Variants in RNASE13 observed in about 807,000 individuals in gnomAD.
The protein encoded by RNASE13 is ribonuclease A family member 13 (inactive), also known as probable inactive ribonuclease-like protein 13.
For synonymous variants in RNASE13, 67 were observed against 71.6 expected (o/e 0.94, Z 0.32); for missense variants, 188 against 192.8 (o/e 0.98, Z 0.15).
rs1019424735 is a variant in RNASE13, at chr14:21,032,846, T to A, written c.*972A>T. ...GTGTTATTAACTTTTTATTTTGAATTGATTATGGGTTGACAGGAAGTTACA... is the reference window on the plus strand; with the variant it reads ...GTGTTATTAACTTTTTATTTTGAATAGATTATGGGTTGACAGGAAGTTACA... On this transcript the variant is annotated 3_prime_UTR_variant, in exon 2 of 2. Transcript: ENST00000382951. 1.9e-5 allele frequency: 8 copies of A among 423,036 alleles called. No homozygotes were observed. Among genetic ancestry groups the A allele is most frequent in the Admixed American group, 5.7e-5 (2 of 34,910 alleles). The allele number at this position is 423,036 out of a possible 1,614,324, so 26.2% of individuals were successfully genotyped here. A position where few individuals can be genotyped will look rare whatever the true frequency, so the allele number is the denominator to read the frequency against.
In RNASE13 at chr14:21,032,978, G is replaced by A. The variant is rs764642091; in HGVS notation, c.*840C>T. ...AGAAATTTATGTTCGATTAGAGCCG[G>A]GCCTGCCTCATTCGCTGCCTGGTCA... On this transcript the variant is annotated 3_prime_UTR_variant, in exon 2 of 2. Coordinates refer to ENST00000382951, the MANE Select transcript of RNASE13 (RefSeq NM_001012264.4). The A allele has an allele frequency of 2.9e-4, 133 of 456,004 alleles. No individual in the cohort carries two copies. Among genetic ancestry groups the A allele is most frequent in the Non-Finnish European group, 4.4e-4 (100 of 226,956 alleles). The allele number at this position is 456,004 out of a possible 1,614,324, so 28.2% of individuals were successfully genotyped here.
At position 21,034,638 on chromosome 14, in the gene RNASE13, A is replaced by C; in HGVS notation, c.-9+18T>G. ...CTGCTAGTAAAAAATGCAGAGAAGAAAGAAGGAGCAGGCTGACCTGACAAT... is the reference window on the plus strand; with the variant it reads ...CTGCTAGTAAAAAATGCAGAGAAGACAGAAGGAGCAGGCTGACCTGACAAT... On this transcript the variant is annotated intron_variant, in intron 1 of 1. Coordinates refer to ENST00000382951, the MANE Select transcript of RNASE13 (RefSeq NM_001012264.4). 1 of 236,626 alleles carries C rather than the reference A, an allele frequency of 4.2e-6. No individual in the cohort carries two copies. The highest frequency in any genetic ancestry group is 8.2e-6 in the Non-Finnish European group (1 of 121,580). 14.7% of individuals were successfully genotyped at this position (236,626 alleles called of 1,614,324 possible). A position where few individuals can be genotyped will look rare whatever the true frequency, so the allele number is the denominator to read the frequency against.
Position 21,034,223 on chromosome 14 carries a change from G to A in RNASE13, c.66C>T (p.Asp22=). The change falls in exon 2 of 2, where the codon GAC becomes GAT. Residue 22 remains aspartate, a synonymous_variant. Transcript: ENST00000382951. ...TCCTGCTGCCAATCTGCATCTTGAT[G>A]TCCATGACCAGAGTTGGCCCCAGAA... The part of the protein sequence containing the change: ...QLVLGPTLVM[D]IKMQIGSRNF... 1.9e-6 allele frequency: 3 copies of A among 1,614,132 alleles called. No individual in the cohort carries two copies. Among genetic ancestry groups the A allele is most frequent in the Non-Finnish European group, 1.7e-6 (2 of 1,179,996 alleles).
intron 1 of RNASE13, 91 bp from the exon 2 acceptor site, chr14:21,034,387 A>G (rs1884476102): frequency 2.4e-6 from 2 of 833,378 alleles, no homozygotes; most frequent in South Asian, 3.4e-5. Context: ...ACCCAACAGT[A>G]CTTTAGAGAT....
rs775077439 is a variant in RNASE13 at position 21,033,694 on chromosome 14, G to T, written c.*124C>A. On this transcript the variant is annotated 3_prime_UTR_variant, in exon 2 of 2. Coordinates refer to ENST00000382951, the MANE Select transcript of RNASE13 (RefSeq NM_001012264.4). ...GCCCTGGACATTTTCGCACCCACCT[G>T]GTCTCTTGGGAGGGGACCCTGCCTG... 4 of 734,764 alleles carry T rather than the reference G, an allele frequency of 5.4e-6. No individual in the cohort carries two copies. The allele number at this position is 734,764 out of a possible 1,614,324, so 45.5% of individuals were successfully genotyped here.
In RNASE13 at chr14:21,032,941, A is replaced by T; in HGVS notation, c.*877T>A. ...CCCAATGGTTACATCTTACATACTC[A>T]GATGTGGTTTTAGAAATTTATGTTC... is the stretch of plus-strand genomic sequence containing the variant. On this transcript the variant is annotated 3_prime_UTR_variant, in exon 2 of 2. Transcript: ENST00000382951. The T allele has an allele frequency of 2.2e-6, 1 of 456,030 alleles. No individual in the cohort carries two copies. The highest frequency in any genetic ancestry group is 1.5e-5 in the South Asian group (1 of 64,546). 28.2% of individuals were successfully genotyped at this position (456,030 alleles called of 1,614,324 possible).
chr14:21,033,553 T>C lies in RNASE13; in HGVS notation c.*265A>G, dbSNP rs1884393065. 2 of 508,460 alleles carry C rather than the reference T, an allele frequency of 3.9e-6. No individual in the cohort carries two copies. The highest frequency in any genetic ancestry group is 7.1e-6 in the Non-Finnish European group (2 of 279,822). 31.5% of individuals were successfully genotyped at this position (508,460 alleles called of 1,614,324 possible). A position where few individuals can be genotyped will look rare whatever the true frequency, so the allele number is the denominator to read the frequency against. On this transcript the variant is annotated 3_prime_UTR_variant, in exon 2 of 2. Transcript: ENST00000382951. Reference sequence around the variant, plus strand: ...CTGCCAACTGGACACAGTCAACTTCTTGGGTGGGTTTTACTGTCTCTGGGA... The same window carrying C: ...CTGCCAACTGGACACAGTCAACTTCCTGGGTGGGTTTTACTGTCTCTGGGA...
In RNASE13 at chr14:21,033,747, T is replaced by A; in HGVS notation, c.*71A>T. 9.4e-7 allele frequency: 1 copy of A among 1,062,196 alleles called. No individual in the cohort carries two copies. Among genetic ancestry groups the A allele is most frequent in the Non-Finnish European group, 1.5e-6 (1 of 677,264 alleles). The allele number at this position is 1,062,196 out of a possible 1,614,324, so 65.8% of individuals were successfully genotyped here. A position where few individuals can be genotyped will look rare whatever the true frequency, so the allele number is the denominator to read the frequency against. On this transcript the variant is annotated 3_prime_UTR_variant, in exon 2 of 2. Coordinates refer to ENST00000382951, the MANE Select transcript of RNASE13 (RefSeq NM_001012264.4). The stretch of plus-strand genomic sequence containing the variant: ...TCGTAAGTCAGGAAGGAAGTCTTGT[T>A]ACAGGGATCAGAGTGTTGGAAATGG...
chr14:21,033,762 G>C lies in RNASE13; in HGVS notation c.*56C>G. The C allele has an allele frequency of 8.6e-7, 1 of 1,156,984 alleles. No homozygotes were observed. Among genetic ancestry groups the C allele is most frequent in the Non-Finnish European group, 1.3e-6 (1 of 763,150 alleles). 71.7% of individuals were successfully genotyped at this position (1,156,984 alleles called of 1,614,324 possible). ...GAAGTCTTGTTACAGGGATCAGAGT[G>C]TTGGAAATGGAGACAGCTGGCCTGT... On this transcript the variant is annotated 3_prime_UTR_variant, in exon 2 of 2. Coordinates refer to ENST00000382951, the MANE Select transcript of RNASE13 (RefSeq NM_001012264.4).
chr14:21,033,908 G>A lies in RNASE13; in HGVS notation c.381C>T (p.Ser127=), dbSNP rs1254631109. 1 of 1,614,090 alleles carries A rather than the reference G, an allele frequency of 6.2e-7. No homozygotes were observed. The highest frequency in any genetic ancestry group is 8.5e-7 in the Non-Finnish European group (1 of 1,179,944). The change falls in exon 2 of 2, where the codon AGC becomes AGT. Residue 127 remains serine, a synonymous_variant. Coordinates refer to ENST00000382951, the MANE Select transcript of RNASE13 (RefSeq NM_001012264.4). ...GGTAGAGCTTCTGGTTGGTTAGGGT[G>A]CTATTGTAGTAGCAGCTAGTGGGTG... ...QQPPTSCYYN[S]TLTNQKLYLL... is the part of the protein sequence containing the mutation.
rs531751781 is a variant in RNASE13, at chr14:21,032,844, A to G, written c.*974T>C. ...GTGTGTTATTAACTTTTTATTTTGA[A>G]TTGATTATGGGTTGACAGGAAGTTA... On this transcript the variant is annotated 3_prime_UTR_variant, in exon 2 of 2. Coordinates refer to ENST00000382951, the MANE Select transcript of RNASE13 (RefSeq NM_001012264.4). The G allele has an allele frequency of 4.7e-4, 197 of 422,588 alleles. 2 individuals are homozygous for G. Among genetic ancestry groups the G allele is most frequent in the South Asian group, 3.3e-3 (196 of 59,002 alleles). 26.2% of individuals were successfully genotyped at this position (422,588 alleles called of 1,614,324 possible).
Position 21,032,992 on chromosome 14 carries a change from G to T in RNASE13, c.*826C>A, listed in dbSNP as rs3748347. ...GATTAGAGCCGGGCCTGCCTCATTCGCTGCCTGGTCAGGGGCAGACTCTGG... is the reference window on the plus strand; with the variant it reads ...GATTAGAGCCGGGCCTGCCTCATTCTCTGCCTGGTCAGGGGCAGACTCTGG... On this transcript the variant is annotated 3_prime_UTR_variant, in exon 2 of 2. Transcript: ENST00000382951. The T allele has an allele frequency of 0.034, 15,687 of 455,826 alleles. 644 individuals carry two copies. Among genetic ancestry groups the T allele is most frequent in the East Asian group, 0.12 (1,776 of 14,376 alleles). The allele number at this position is 455,826 out of a possible 1,614,324, so 28.2% of individuals were successfully genotyped here. A position where few individuals can be genotyped will look rare whatever the true frequency, so the allele number is the denominator to read the frequency against.
chr14:21,034,620 T>TA (rs754546306), intron 1 of RNASE13, 36 bp downstream of exon 1: 22 of 268,404 alleles, frequency 8.2e-5, no homozygotes, highest in Admixed American at 4.8e-4. Context: ...CTCCTGCTAG[T>TA]AAAAAATGCA....
At position 21,034,053 on chromosome 14, in the gene RNASE13, C is replaced by T. The variant is rs1884441324; in HGVS notation, c.236G>A (p.Trp79Ter). The change falls in exon 2 of 2, where the codon TGG (tryptophan) becomes TAG (stop). Residue 79 changes from tryptophan to a stop codon, truncating the protein, a stop_gained. Transcript: ENST00000382951. LOFTEE classifies it low-confidence loss of function (END_TRUNC). ...PKIHYVIHAPWKAIQKFCKYS... is the reference protein window; with the variant it reads ...PKIHYVIHAP Reference sequence around the variant, plus strand: ...CTTGCAGAACTTCTGGATGGCCTTCCAAGGGGCATGTATCACATAATGGAT... The same window carrying T: ...CTTGCAGAACTTCTGGATGGCCTTCTAAGGGGCATGTATCACATAATGGAT... 1 of 1,614,098 alleles carries T rather than the reference C, an allele frequency of 6.2e-7. No individual in the cohort carries two copies. Among genetic ancestry groups the T allele is most frequent in the East Asian group, 2.2e-5 (1 of 44,882 alleles).
intron 1 of RNASE13, 93 bp downstream of exon 1, chr14:21,034,563 G>T (rs1452575232): frequency 2.5e-5 from 10 of 407,622 alleles, no homozygotes; most frequent in Non-Finnish European, 8.8e-6. Context: ...AGCTCTAACT[G>T]GTCCTTGGGT....
Position 21,034,272 on chromosome 14 carries a change from G to A in RNASE13, c.17C>T (p.Thr6Ile), listed in dbSNP as rs113995906. Residue 6 changes from threonine (T) to isoleucine (I), a missense_variant, in exon 2 of 2, where the codon ACC (threonine) becomes ATC (isoleucine). Coordinates refer to ENST00000382951, the MANE Select transcript of RNASE13 (RefSeq NM_001012264.4). MAPAV[T>I]RLLFLQLVLG... ...AACAAGCTGGAGGAAAAGGAGCCGG[G>A]TCACAGCTGGTGCCATTCCTCCTGC... 0.016 allele frequency: 25,933 copies of A among 1,611,602 alleles called. 304 individuals are homozygous for A. Among genetic ancestry groups the A allele is most frequent in the Middle Eastern group, 0.031 (189 of 6,012 alleles).
In RNASE13 at chr14:21,033,006, G is replaced by T. The variant is rs1884339605; in HGVS notation, c.*812C>A. 1 of 455,322 alleles carries T rather than the reference G, an allele frequency of 2.2e-6. No homozygotes were observed. The highest frequency in any genetic ancestry group is 2.0e-5 in the African/African-American group (1 of 49,994). 28.2% of individuals were successfully genotyped at this position (455,322 alleles called of 1,614,324 possible). On this transcript the variant is annotated 3_prime_UTR_variant, in exon 2 of 2. Coordinates refer to ENST00000382951, the MANE Select transcript of RNASE13 (RefSeq NM_001012264.4). Reference sequence around the variant, plus strand: ...CTGCCTCATTCGCTGCCTGGTCAGGGGCAGACTCTGGAGTCTGGGGGATTT... The same window carrying T: ...CTGCCTCATTCGCTGCCTGGTCAGGTGCAGACTCTGGAGTCTGGGGGATTT...
rs746762595 is a variant in RNASE13, at chr14:21,033,751, G to A, written c.*67C>T. On this transcript the variant is annotated 3_prime_UTR_variant, in exon 2 of 2. Coordinates refer to ENST00000382951, the MANE Select transcript of RNASE13 (RefSeq NM_001012264.4). ...AAGTCAGGAAGGAAGTCTTGTTACA[G>A]GGATCAGAGTGTTGGAAATGGAGAC... 1.9e-6 allele frequency: 2 copies of A among 1,075,756 alleles called. No homozygotes were observed. The highest frequency in any genetic ancestry group is 1.7e-5 in the Admixed American group (1 of 59,226). The allele number at this position is 1,075,756 out of a possible 1,614,324, so 66.6% of individuals were successfully genotyped here.
At position 21,033,247 on chromosome 14, in the gene RNASE13, A is replaced by G; in HGVS notation, c.*571T>C. 1 of 316,670 alleles carries G rather than the reference A, an allele frequency of 3.2e-6. No individual in the cohort carries two copies. The highest frequency in any genetic ancestry group is 6.1e-6 in the Non-Finnish European group (1 of 163,914). 19.6% of individuals were successfully genotyped at this position (316,670 alleles called of 1,614,324 possible). A position where few individuals can be genotyped will look rare whatever the true frequency, so the allele number is the denominator to read the frequency against. The stretch of plus-strand genomic sequence containing the variant: ...GAGAGGACAGTTATATGAAGGGAGA[A>G]ACCATGATTTCACAGAGAGAAGCAG... On this transcript the variant is annotated 3_prime_UTR_variant, in exon 2 of 2. Transcript: ENST00000382951.
Sources: allele counts gnomAD v4.1 joint callset, GRCh38; gene constraint gnomAD v4.1.1; transcripts MANE v1.5; gene names NCBI Gene and HGNC (gene_info 2026-07-23, HGNC 2026-07-21).